The following VTI1A variants were observed in gnomAD, a reference collection of about 807,000 sequenced individuals.
VTI1A encodes vesicle transport through interaction with t-SNAREs homolog 1A.
In VTI1A, 22 loss-of-function variants were observed where a neutral mutation model predicts 34.9. The observed-to-expected ratio is 0.63, with a 90% confidence interval of 0.45 to 0.90. VTI1A has a LOEUF of 0.90. Ranked by LOEUF, VTI1A falls within the 40% of genes least tolerant of loss-of-function variation. The pLI is 0.00. For synonymous variants in VTI1A, 87 were observed against 97.3 expected (o/e 0.89, Z 0.62); for missense variants, 268 against 275.6 (o/e 0.97, Z 0.20).
chr10:112,713,950 T>C (rs1849518751), intron 7 of VTI1A, among the ~76,000 whole-genome samples: 2 of 152,072 alleles, frequency 1.3e-5, no homozygotes, highest in Admixed American at 1.3e-4. Flanking sequence ...GCAAAAGAGG[T>C]CTTCGGTGCT....
chr10:112,655,954 T>G lies in VTI1A; in HGVS notation c.428-12264T>G, dbSNP rs544544202. Among the ~76,000 whole-genome samples, 33 of 152,264 alleles carry G rather than the reference T, an allele frequency of 2.2e-4. No individual in the cohort carries two copies. In the East Asian group the frequency reaches 6.2e-3, roughly 28 times the overall value. On this transcript the variant is annotated intron_variant, in intron 5 of 7. Transcript: ENST00000393077. The stretch of plus-strand genomic sequence containing the variant: ...TAGCAAATGAGAATCTTTGCCAGAG[T>G]CTGTGACCTTCAAATTTCAGTCCTC...
the VTI1A span, among the ~76,000 whole-genome samples, chr10:112,853,907 C>A: frequency 6.6e-6 from 1 of 152,196 alleles, no homozygotes; most frequent in Middle Eastern, 3.2e-3. Flanking sequence ...GTAGGAAGAG[C>A]CTTGGCTTTG....
At chr10:112,555,099 A>C (rs1851497106) in intron 5 of VTI1A, among the ~76,000 whole-genome samples, 1 of 152,116 alleles carries the variant, frequency 6.6e-6, no homozygotes, top group African/African-American at 2.4e-5. Flanking sequence ...AAGAATAATG[A>C]GATTATAGAT....
chr10:112,645,125 T>A (rs1447787338), intron 5 of VTI1A, among the ~76,000 whole-genome samples: 4 of 152,204 alleles, frequency 2.6e-5, no homozygotes, highest in African/African-American at 9.7e-5. Flanking sequence ...TCCAATGTCA[T>A]ATTTGGTTTT....
intron 7 of VTI1A, among the ~76,000 whole-genome samples, chr10:112,724,050 G>A (rs1016052744): frequency 2.6e-5 from 4 of 152,152 alleles, no homozygotes; most frequent in African/African-American, 9.7e-5. Flanking sequence ...AGCATTTAGT[G>A]GTTCACCATT....
In VTI1A at chr10:112,818,429, T is replaced by G. The variant is rs1488030356; in HGVS notation, c.*3046T>G. ...AAAAAAGAAAGAAAGGAAAAGCAAC[T>G]GTCTTTCTCTCCCTCTCTTTCTCCT... On this transcript the variant is annotated 3_prime_UTR_variant, in exon 8 of 8. Transcript: ENST00000393077. 6 of 232,044 alleles carry G rather than the reference T, an allele frequency of 2.6e-5. No homozygotes were observed. In the East Asian group the frequency reaches 3.0e-4, roughly 12 times the overall value. 14.4% of individuals were successfully genotyped at this position (232,044 alleles called of 1,614,324 possible).
intron 3 of VTI1A, among the ~76,000 whole-genome samples, chr10:112,469,455 G>C (rs534710820): frequency 6.6e-6 from 1 of 152,250 alleles, no homozygotes; most frequent in African/African-American, 2.4e-5. Context: ...TGCCTCTGTG[G>C]ACATGATATT....
chr10:112,804,630 G>A lies in VTI1A; in HGVS notation c.561-10660G>A, dbSNP rs111898865. Among the ~76,000 whole-genome samples the A allele has an allele frequency of 1.1e-4, 16 of 152,152 alleles. 2 individuals carry two copies. The highest frequency in any genetic ancestry group is 7.7e-4 in the East Asian group (4 of 5,162). On this transcript the variant is annotated intron_variant, in intron 7 of 7. Coordinates refer to ENST00000393077, the MANE Select transcript of VTI1A (RefSeq NM_145206.4). ...TTATGGGCACAGAACACATTGTCCC[G>A]GCCCTGGCATTACTCTAATCGCGGC...
chr10:112,507,055 C>A (rs776091986), intron 3 of VTI1A, among the ~76,000 whole-genome samples: 17 of 151,498 alleles, frequency 1.1e-4, no homozygotes, highest in South Asian at 8.3e-4. Context: ...GTTGTTTTGG[C>A]TTTTTTGGTT....
At chr10:112,717,553 G>T (rs1311179694) in intron 7 of VTI1A, among the ~76,000 whole-genome samples, 2 of 152,224 alleles carry the variant, frequency 1.3e-5, no homozygotes, top group Middle Eastern at 3.4e-3. Context: ...TAGTCAAAAG[G>T]CCCTTCCATG....
At chr10:112,638,869 A>T (rs1846462730) in intron 5 of VTI1A, among the ~76,000 whole-genome samples, 1 of 151,628 alleles carries the variant, frequency 6.6e-6, no homozygotes, top group Non-Finnish European at 1.5e-5. Context: ...TAAAATAAAT[A>T]AAAACTGTAC....
intron 5 of VTI1A, among the ~76,000 whole-genome samples, chr10:112,553,411 T>C (rs986687077): frequency 6.6e-6 from 1 of 152,260 alleles, no homozygotes; most frequent in African/African-American, 2.4e-5. Context: ...TGATAAACTA[T>C]ATAAAACATC....
chr10:112,635,972 A>G (rs1373431978), intron 5 of VTI1A, among the ~76,000 whole-genome samples: 6 of 152,236 alleles, frequency 3.9e-5, no homozygotes, highest in Non-Finnish European at 8.8e-5. Context: ...GATGATATTT[A>G]AAAACCATGA....
chr10:112,511,565 G>A (rs1849610724), intron 3 of VTI1A, among the ~76,000 whole-genome samples: 1 of 151,960 alleles, frequency 6.6e-6, no homozygotes, highest in Admixed American at 6.6e-5. Flanking sequence ...TTACATATTT[G>A]TATAATGCAT....
At chr10:112,633,257 T>G (rs1337707660) in intron 5 of VTI1A, among the ~76,000 whole-genome samples, 1 of 152,174 alleles carries the variant, frequency 6.6e-6, no homozygotes, top group Non-Finnish European at 1.5e-5. Context: ...TTACGGGACT[T>G]ACATAATAAT....
intron 7 of VTI1A, among the ~76,000 whole-genome samples, chr10:112,673,665 T>G (rs1286774451): frequency 6.6e-6 from 1 of 152,246 alleles, no homozygotes; most frequent in Non-Finnish European, 1.5e-5. Flanking sequence ...TTATCTGATA[T>G]GCATATTTTT....
chr10:112,458,676 A>T (rs1015979520), intron 1 of VTI1A, among the ~76,000 whole-genome samples: 8 of 135,558 alleles, frequency 5.9e-5, no homozygotes, highest in African/African-American at 2.3e-4. Flanking sequence ...TTTTATTTTT[A>T]TTTTTTTTGA....
chr10:112,610,749 T>A (rs910745169), intron 5 of VTI1A, among the ~76,000 whole-genome samples: 2 of 151,984 alleles, frequency 1.3e-5, no homozygotes, highest in Non-Finnish European at 2.9e-5. Flanking sequence ...ACCCCGTCTC[T>A]ACTAAAAATA....
intron 5 of VTI1A, among the ~76,000 whole-genome samples, chr10:112,542,936 T>C (rs1850923013): frequency 6.6e-6 from 1 of 152,214 alleles, no homozygotes. Flanking sequence ...TGTTTGGTTT[T>C]GTGTCCTTGC....
Sources: gnomAD v4.1 joint callset for allele counts (sites outside exome capture counted in the v4.1 genomes callset) on GRCh38, gnomAD v4.1.1 for gene constraint, MANE v1.5 for transcripts, NCBI Gene and HGNC (gene_info 2026-07-23, HGNC 2026-07-21) for gene names.